Variants in RALGPS2 observed in about 807,000 individuals in gnomAD.
The protein encoded by RALGPS2 is ras-specific guanine nucleotide-releasing factor RalGPS2.
In RALGPS2, 43 loss-of-function variants were observed where a neutral mutation model predicts 86.8. The ratio of observed to expected loss-of-function variants is 0.50; its 90% CI spans 0.39 to 0.64. The LOEUF is 0.64. RALGPS2 is among the 30% of genes least tolerant of loss of function. The pLI, the probability that RALGPS2 is intolerant of heterozygous loss-of-function variation, is 0.00. For missense variants in RALGPS2, 536 were observed against 694.6 expected (o/e 0.77, Z 2.57); for synonymous variants, 243 against 231.3 (o/e 1.05, Z -0.46).
intron 6 of RALGPS2, among the ~76,000 whole-genome samples, chr1:178,811,822 G>A (rs1261188289): frequency 6.6e-6 from 1 of 152,158 alleles, no homozygotes; most frequent in African/African-American, 2.4e-5. Flanking sequence ...AATGGTATAT[G>A]TGATATTACC....
At chr1:178,782,576 C>T (rs1653445461) in intron 2 of RALGPS2, among the ~76,000 whole-genome samples, 1 of 151,972 alleles carries the variant, frequency 6.6e-6, no homozygotes, top group African/African-American at 2.4e-5. Flanking sequence ...TTGTGAAGGT[C>T]ATAGCCTGGG....
chr1:178,783,662 C>A (rs1558117725), intron 2 of RALGPS2, among the ~76,000 whole-genome samples: 1 of 152,096 alleles, frequency 6.6e-6, no homozygotes, highest in African/African-American at 2.4e-5. Flanking sequence ...TTGCTGTTAT[C>A]TGTAGCCTCA....
intron 1 of RALGPS2, among the ~76,000 whole-genome samples, chr1:178,757,723 G>A (rs1652025624): frequency 6.6e-6 from 1 of 152,082 alleles, no homozygotes; most frequent in Non-Finnish European, 1.5e-5. Flanking sequence ...TTACGTTTAT[G>A]TTCATCAGGG....
At chr1:178,743,083 A>G (rs537831394) in intron 1 of RALGPS2, among the ~76,000 whole-genome samples, 1 of 152,214 alleles carries the variant, frequency 6.6e-6, no homozygotes, top group East Asian at 1.9e-4. Flanking sequence ...TTAGCCAGAC[A>G]TGGTGACACA....
chr1:178,888,114 CTT>C (rs1659567157), intron 13 of RALGPS2, among the ~76,000 whole-genome samples: 1 of 151,798 alleles, frequency 6.6e-6, no homozygotes, highest in South Asian at 2.1e-4. Flanking sequence ...AGTGTGGAGA[CTT>C]TTCTCTTTTA....
chr1:178,884,748 A>G (rs1212231948), intron 11 of RALGPS2, among the ~76,000 whole-genome samples: 3 of 152,194 alleles, frequency 2.0e-5, no homozygotes, highest in African/African-American at 7.2e-5. Flanking sequence ...TTAAAAGAGC[A>G]CTGAACCTAG....
chr1:178,772,133 G>C (rs1445829315), intron 1 of RALGPS2, among the ~76,000 whole-genome samples: 2 of 152,124 alleles, frequency 1.3e-5, no homozygotes, highest in African/African-American at 4.8e-5. Context: ...ACCATTCCTA[G>C]GTCCACAGTA....
chr1:178,756,721 G>A (rs759995041), intron 1 of RALGPS2, among the ~76,000 whole-genome samples: 20 of 152,190 alleles, frequency 1.3e-4, no homozygotes, highest in African/African-American at 3.8e-4. Flanking sequence ...TATAGGAATA[G>A]TATTGAATCT....
At chr1:178,867,273 C>T (rs775074498) in intron 8 of RALGPS2, among the ~76,000 whole-genome samples, 10 of 152,048 alleles carry the variant, frequency 6.6e-5, no homozygotes, top group Admixed American at 1.3e-4. Context: ...ATTATGATCC[C>T]CACTTTCAGA....
intron 6 of RALGPS2, among the ~76,000 whole-genome samples, chr1:178,819,631 A>G (rs1655401403): frequency 6.6e-6 from 1 of 152,182 alleles, no homozygotes; most frequent in Non-Finnish European, 1.5e-5. Flanking sequence ...CCTTAGTTTT[A>G]GGGCCCTAAG....
At chr1:178,821,936 C>G (rs556283220) in intron 7 of RALGPS2, among the ~76,000 whole-genome samples, 2 of 152,152 alleles carry the variant, frequency 1.3e-5, no homozygotes, top group East Asian at 3.9e-4. Flanking sequence ...CTTAGAGAAT[C>G]ATTTTTGTTG....
At chr1:178,865,336 A>G (rs1658327170) in intron 8 of RALGPS2, 9 of 1,614,082 alleles carry the variant, frequency 5.6e-6, no homozygotes, top group Non-Finnish European at 7.6e-6. Flanking sequence ...GTTCAAGTGA[A>G]TTATCCCTCT....
intron 8 of RALGPS2, among the ~76,000 whole-genome samples, chr1:178,835,933 T>C (rs1205846777): frequency 6.6e-6 from 1 of 152,204 alleles, no homozygotes; most frequent in African/African-American, 2.4e-5. Context: ...ATTTGTATCT[T>C]CTAGAAAAGA....
chr1:178,872,294 C>T (rs970499575), intron 8 of RALGPS2, among the ~76,000 whole-genome samples: 2 of 152,030 alleles, frequency 1.3e-5, no homozygotes, highest in African/African-American at 4.8e-5. Context: ...ATTCCTATGC[C>T]ATATATAGGT....
intron 19 of RALGPS2, among the ~76,000 whole-genome samples, chr1:178,908,467 A>G (rs939144115): frequency 6.6e-6 from 1 of 152,200 alleles, no homozygotes; most frequent in East Asian, 1.9e-4. Context: ...TGCTGGGTTC[A>G]GTGGTAGTTC....
chr1:178,789,449 AATT>A (rs772277712), intron 4 of RALGPS2, among the ~76,000 whole-genome samples: 25 of 152,216 alleles, frequency 1.6e-4, no homozygotes, highest in Admixed American at 3.9e-4. Flanking sequence ...TGGGATGAAA[AATT>A]ATTATTGTTG....
At chr1:178,916,253 A>G in intron 19 of RALGPS2, 77 bp from the exon 20 acceptor site, 2 of 1,227,950 alleles carry the variant, frequency 1.6e-6, no homozygotes, top group East Asian at 4.7e-5. Context: ...GGGCTTGCCT[A>G]AATAACAAGG....
At chr1:178,815,890 T>C (rs1220393047) in intron 6 of RALGPS2, among the ~76,000 whole-genome samples, 2 of 152,254 alleles carry the variant, frequency 1.3e-5, no homozygotes. Flanking sequence ...CACCATGTTG[T>C]TGAGATTCAT....
chr1:178,848,461 A>G (rs1656975283), intron 8 of RALGPS2, among the ~76,000 whole-genome samples: 1 of 152,192 alleles, frequency 6.6e-6, no homozygotes, highest in African/African-American at 2.4e-5. Context: ...CTTACCTACC[A>G]CACAAATGAG....
Sources: allele counts gnomAD v4.1 joint callset (sites outside exome capture counted in the v4.1 genomes callset), GRCh38; gene constraint gnomAD v4.1.1; transcripts MANE v1.5; gene names NCBI Gene and HGNC (gene_info 2026-07-23, HGNC 2026-07-21).